Variants in ITGA9 observed in about 807,000 individuals in gnomAD.
The protein encoded by ITGA9 is integrin alpha-9.
A neutral mutation model predicts 127.8 loss-of-function variants in ITGA9; 56 were observed. The ratio of observed to expected loss-of-function variants is 0.44; its 90% CI spans 0.35 to 0.55. The LOEUF (loss-of-function observed/expected upper bound fraction) is 0.55. Among genes scored for constraint, ITGA9 ranks in the 20% least tolerant of loss-of-function variants. ITGA9 has a pLI of 0.00. For missense variants in ITGA9, 1,196 were observed against 1,347.1 expected, an observed-to-expected ratio of 0.89 and a Z score of 1.76; for synonymous variants, 508 against 514.5, an observed-to-expected ratio of 0.99 and a Z score of 0.17.
At position 37,452,755 on chromosome 3, in the gene ITGA9, C is replaced by T. The variant is rs979259421; in HGVS notation, c.185+196C>T. Among the ~76,000 whole-genome samples the T allele has an allele frequency of 6.6e-6, 1 of 152,066 alleles. No individual in the cohort carries two copies. Among genetic ancestry groups the T allele is most frequent in the African/African-American group, 2.4e-5 (1 of 41,440 alleles). The stretch of plus-strand genomic sequence containing the variant: ...GACGCCGTCCGGGGCCCGCTAAGGT[C>T]GGGGTCGGCGCCTGGAGGCGGGCGG... On this transcript the variant is annotated intron_variant, in intron 1 of 27. Transcript: ENST00000264741. This position sits in a 1 kb window ranked among gnomAD's most constrained non-coding sequence, Gnocchi z 7.3.
chr3:37,454,686 T>C (rs2125544277), intron 1 of ITGA9, among the ~76,000 whole-genome samples: 1 of 152,316 alleles, frequency 6.6e-6, no homozygotes, highest in South Asian at 2.1e-4. Flanking sequence ...AATGCTTCTT[T>C]TTCCTCCCTC....
intron 26 of ITGA9, among the ~76,000 whole-genome samples, chr3:37,801,751 T>A (rs1697238119): frequency 1.3e-5 from 2 of 152,202 alleles, no homozygotes. Context: ...TGCCAGATGC[T>A]ATGCTGGGGA....
intron 25 of ITGA9, among the ~76,000 whole-genome samples, chr3:37,781,879 C>T (rs1051663604): frequency 1.3e-5 from 2 of 152,204 alleles, no homozygotes; most frequent in African/African-American, 4.8e-5. Flanking sequence ...GCCGTTACAG[C>T]CCTCACACAC....
At chr3:37,751,851 G>A (rs888857746) in intron 23 of ITGA9, among the ~76,000 whole-genome samples, 3 of 152,204 alleles carry the variant, frequency 2.0e-5, no homozygotes, top group African/African-American at 4.8e-5. Flanking sequence ...CATAAAGTCT[G>A]TAACAGACTT....
chr3:37,460,585 A>ATCTT (rs1698305680), intron 1 of ITGA9, among the ~76,000 whole-genome samples: 1 of 143,224 alleles, frequency 7.0e-6, no homozygotes, highest in African/African-American at 2.6e-5. Flanking sequence ...GTGTGCCCAA[A>ATCTT]TCTTTTTTTT....
intron 23 of ITGA9, among the ~76,000 whole-genome samples, chr3:37,771,806 AT>A (rs200248452): frequency 2.0e-5 from 3 of 150,388 alleles, no homozygotes; most frequent in Middle Eastern, 3.4e-3. Context: ...GGCAGGAGTC[AT>A]TTTTTTTTGC....
At chr3:37,507,212 G>T (rs747047078) in intron 7 of ITGA9, among the ~76,000 whole-genome samples, 29 of 152,186 alleles carry the variant, frequency 1.9e-4, no homozygotes, top group Non-Finnish European at 3.1e-4. Flanking sequence ...ATCACCTCAA[G>T]AAAGAGGTGG....
chr3:37,565,582 G>A (rs1269282405), intron 15 of ITGA9, among the ~76,000 whole-genome samples: 1 of 152,226 alleles, frequency 6.6e-6, no homozygotes, highest in Non-Finnish European at 1.5e-5. Context: ...AGCATTTCAG[G>A]TGCGGAAGAT....
chr3:37,518,748 C>G (rs1477784133), intron 10 of ITGA9, among the ~76,000 whole-genome samples: 1 of 135,972 alleles, frequency 7.4e-6, no homozygotes, highest in Non-Finnish European at 1.6e-5. Flanking sequence ...TCTTCTCAGT[C>G]AGCTTCTATA....
intron 1 of ITGA9, among the ~76,000 whole-genome samples, chr3:37,466,124 T>C (rs199281): frequency 0.79 from 119,314 of 151,956 alleles, 47,384 homozygotes; most frequent in Middle Eastern, 0.88. Flanking sequence ...GCACACTCTA[T>C]GTGCCTGCTA....
chr3:37,708,100 AGTTTTTCAGTTCTGGGC>A (rs1413111135), intron 18 of ITGA9, among the ~76,000 whole-genome samples: 1 of 152,208 alleles, frequency 6.6e-6, no homozygotes, highest in Non-Finnish European at 1.5e-5. Context: ...TTAGCTAGGC[AGTTTTTCAGTTCTGGGC>A]CAGGCTCGGC....
At chr3:37,808,391 G>C (rs1697324919) in intron 27 of ITGA9, 1 of 152,176 alleles carries the variant, frequency 6.6e-6, no homozygotes, top group South Asian at 2.1e-4. Flanking sequence ...GGAGGCTAGT[G>C]GGGGAGAAAG....
At chr3:37,531,559 T>G (rs1699152240) in intron 13 of ITGA9, among the ~76,000 whole-genome samples, 1 of 152,004 alleles carries the variant, frequency 6.6e-6, no homozygotes, top group Admixed American at 6.6e-5. Flanking sequence ...GGATTCGGCC[T>G]CCTCCCTGAC....
At chr3:37,624,007 A>C (rs1208167620) in intron 15 of ITGA9, among the ~76,000 whole-genome samples, 7 of 151,988 alleles carry the variant, frequency 4.6e-5, no homozygotes, top group Non-Finnish European at 8.8e-5. Context: ...AGGGGATAAA[A>C]AGATCACATG....
chr3:37,782,047 A>G (rs762959267), intron 25 of ITGA9, among the ~76,000 whole-genome samples: 2 of 152,218 alleles, frequency 1.3e-5, no homozygotes, highest in East Asian at 1.9e-4. Flanking sequence ...GACTTAGAGC[A>G]CCACTGGCCA....
At chr3:37,753,357 A>T (rs1370076871) in intron 23 of ITGA9, among the ~76,000 whole-genome samples, 1 of 152,256 alleles carries the variant, frequency 6.6e-6, no homozygotes, top group Non-Finnish European at 1.5e-5. Context: ...ATACCGTATA[A>T]CAAATGCAAT....
At chr3:37,513,983 G>C in intron 9 of ITGA9, 83 bp downstream of exon 9, 1 of 1,543,714 alleles carries the variant, frequency 6.5e-7, no homozygotes, top group South Asian at 1.1e-5. Flanking sequence ...ACCCCTCTGG[G>C]CCGGCACTGG....
intron 17 of ITGA9, among the ~76,000 whole-genome samples, chr3:37,679,152 C>G (rs936559825): frequency 6.6e-6 from 1 of 151,856 alleles, no homozygotes; most frequent in African/African-American, 2.4e-5. Context: ...TATAAAAGCA[C>G]AGCAAAGAGA....
intron 15 of ITGA9, among the ~76,000 whole-genome samples, chr3:37,546,564 G>A (rs1317938098): frequency 1.3e-5 from 2 of 152,206 alleles, no homozygotes; most frequent in Non-Finnish European, 2.9e-5. Flanking sequence ...ATCCTCAGTG[G>A]CAGCTACTGT....
Sources: gnomAD v4.1 joint callset for allele counts (sites outside exome capture counted in the v4.1 genomes callset) on GRCh38, gnomAD v4.1.1 for gene constraint, Gnocchi (gnomAD v3.1) non-coding constraint, MANE v1.5 for transcripts, NCBI Gene and HGNC (gene_info 2026-07-23, HGNC 2026-07-21) for gene names.